YTHDF1: variants seen among roughly 807,000 people sequenced by gnomAD.
YTHDF1 encodes the protein YTH domain-containing family protein 1.
A neutral mutation model predicts 49.1 loss-of-function variants in YTHDF1; 16 were observed. That is an observed-to-expected ratio of 0.33 (90% CI 0.22 to 0.49). YTHDF1 has a LOEUF of 0.49. Among genes scored for constraint, YTHDF1 ranks in the 20% least tolerant of loss-of-function variants. The pLI is 0.99. For synonymous variants in YTHDF1, 313 were observed against 290.1 expected (o/e 1.08, Z -0.80); for missense variants, 621 against 744.3 (o/e 0.83, Z 1.93).
rs79371880 is a variant in YTHDF1 at position 63,203,397 on chromosome 20, G to C, written c.543C>G (p.Asn181Lys). The C allele has an allele frequency of 1.3e-4, 212 of 1,613,148 alleles. No individual in the cohort carries two copies. The highest frequency in any genetic ancestry group is 1.6e-4 in the Non-Finnish European group (193 of 1,179,800). Reference protein sequence around the residue: ...SDTLSKAPGMNSLEQGMVGLK... With the variant: ...SDTLSKAPGMKSLEQGMVGLK... ...GGCCAACCATGCCCTGCTCCAGGCT[G>C]TTCATCCCGGGGGCCTTGCTGAGGG... Residue 181 changes from asparagine (N) to lysine (K), a missense_variant, in exon 4 of 5, where the codon AAC (asparagine) becomes AAG (lysine). By Grantham distance (94) the Asn-to-Lys change is moderately conservative. Around this residue, in one of 2 missense-constraint regions of YTHDF1, gnomAD observed 470 missense variants for 495.8 expected, o/e 0.95. Transcript: ENST00000370339. This position sits in a 1 kb window ranked among gnomAD's most constrained non-coding sequence, Gnocchi z 4.4.
intron 1 of YTHDF1, 103 bp downstream of exon 1, chr20:63,215,763 G>A: frequency 7.2e-7 from 1 of 1,380,092 alleles, no homozygotes; most frequent in Non-Finnish European, 9.4e-7. Context: ...TCCCGCCTGG[G>A]CCCGGCCTCC....
chr20:63,196,868 C>T (rs917837460), intron 4 of YTHDF1, 134 bp from the exon 5 acceptor site: 14 of 948,978 alleles, frequency 1.5e-5, no homozygotes, highest in East Asian at 7.9e-5. Context: ...ACCCAAGCCA[C>T]ACCAGCACAC....
At chr20:63,200,101 C>T (rs2066510994) in intron 4 of YTHDF1, among the ~76,000 whole-genome samples, 1 of 152,010 alleles carries the variant, frequency 6.6e-6, no homozygotes, top group Non-Finnish European at 1.5e-5. Flanking sequence ...TGGCTCACAC[C>T]TGTAATCCCA....
In YTHDF1 at chr20:63,215,848, G is replaced by C; in HGVS notation, c.27+18C>G. 6.9e-7 allele frequency: 1 copy of C among 1,457,942 alleles called. No homozygotes were observed. The highest frequency in any genetic ancestry group is 9.0e-7 in the Non-Finnish European group (1 of 1,106,130). 90.3% of individuals were successfully genotyped at this position (1,457,942 alleles called of 1,614,324 possible). On this transcript the variant is annotated intron_variant, in intron 1 of 4. Coordinates refer to ENST00000370339, the MANE Select transcript of YTHDF1 (RefSeq NM_017798.4). ...CGCCTCGGCCCCGGCCGCGGCCCCTGTAACCCGGCCCCGCTACCTGGGTGT... is the reference window on the plus strand; with the variant it reads ...CGCCTCGGCCCCGGCCGCGGCCCCTCTAACCCGGCCCCGCTACCTGGGTGT...
At chr20:63,201,802 C>T (rs1374635218) in intron 4 of YTHDF1, among the ~76,000 whole-genome samples, 2 of 152,322 alleles carry the variant, frequency 1.3e-5, no homozygotes, top group East Asian at 3.9e-4. Flanking sequence ...TTCCCAACTA[C>T]TGAGGGACAG....
At chr20:63,209,987 G>T (rs1325960059) in intron 3 of YTHDF1, among the ~76,000 whole-genome samples, 2 of 152,180 alleles carry the variant, frequency 1.3e-5, no homozygotes, top group Non-Finnish European at 2.9e-5. Flanking sequence ...ACACAAAGTA[G>T]TAACAGTCGT....
chr20:63,210,108 A>G (rs2066566968), intron 3 of YTHDF1, among the ~76,000 whole-genome samples: 1 of 152,186 alleles, frequency 6.6e-6, no homozygotes, highest in African/African-American at 2.4e-5. Context: ...CACAGACACG[A>G]GTAATACACT....
At chr20:63,215,449 T>G (rs979298292) in intron 2 of YTHDF1, 128 bp downstream of exon 2, 1 of 1,291,342 alleles carries the variant, frequency 7.7e-7, no homozygotes, top group Non-Finnish European at 1.1e-6. Context: ...TCGCACAACC[T>G]CAAGTTTTAT....
At chr20:63,211,964 C>T (rs1353391741) in intron 3 of YTHDF1, among the ~76,000 whole-genome samples, 3 of 1,646 alleles carry the variant, frequency 1.8e-3, no homozygotes, top group Non-Finnish European at 0.01. Flanking sequence ...CCAAAATACA[C>T]ACACACACAC....
rs971764363 is a variant in YTHDF1 at position 63,199,162 on chromosome 20, G to A, written c.1654-2428C>T. On this transcript the variant is annotated intron_variant, in intron 4 of 4. Transcript: ENST00000370339. ...GTCCTGAGAGAACCTTGAGAAAACC[G>A]CCCGGGGGCTCTACCAGCACAGGCG... is the stretch of plus-strand genomic sequence containing the variant. Among the ~76,000 whole-genome samples, 8 of 152,202 alleles carry A rather than the reference G, an allele frequency of 5.3e-5. No homozygotes were observed. The East Asian group carries it at 1.2e-3, about 22-fold the overall frequency.
intron 3 of YTHDF1, among the ~76,000 whole-genome samples, chr20:63,205,653 C>T (rs2066542426): frequency 6.6e-6 from 1 of 152,058 alleles, no homozygotes; most frequent in Non-Finnish European, 1.5e-5. Context: ...GGATTACAGA[C>T]ACCCACCACC....
intron 3 of YTHDF1, among the ~76,000 whole-genome samples, chr20:63,211,413 C>T (rs1055851583): frequency 1.3e-5 from 2 of 151,980 alleles, no homozygotes; most frequent in African/African-American, 4.8e-5. Flanking sequence ...TGCAGTGAGC[C>T]ATGATCACAT....
Position 63,196,584 on chromosome 20 carries a change from CAAGA to C in YTHDF1, c.*120_*123del. The C allele has an allele frequency of 8.6e-7, 1 of 1,162,908 alleles. No individual in the cohort carries two copies. Among genetic ancestry groups the C allele is most frequent in the Admixed American group, 2.3e-5 (1 of 43,058 alleles). The allele number at this position is 1,162,908 out of a possible 1,614,324, so 72.0% of individuals were successfully genotyped here. On this transcript the variant is annotated 3_prime_UTR_variant, in exon 5 of 5. Coordinates refer to ENST00000370339, the MANE Select transcript of YTHDF1 (RefSeq NM_017798.4). ...GATCCATCTGGGCAAAAATCAACGA[CAAGA>C]AAGGCAAAGATGCAACACTCAACCC...
chr20:63,195,677 G>A lies in YTHDF1; in HGVS notation c.*1031C>T, dbSNP rs1238594374. 6.6e-6 allele frequency: 1 copy of A among 152,544 alleles called. No homozygotes were observed. Among genetic ancestry groups the A allele is most frequent in the African/African-American group, 2.4e-5 (1 of 41,446 alleles). The allele number at this position is 152,544 out of a possible 1,614,324, so 9.4% of individuals were successfully genotyped here. A position where few individuals can be genotyped will look rare whatever the true frequency, so the allele number is the denominator to read the frequency against. ...GCAGATCCAGGCGCTGGAGCGTCAG[G>A]CATGGGCACCATTTTCATGCTTCAA... is the stretch of plus-strand genomic sequence containing the variant. On this transcript the variant is annotated 3_prime_UTR_variant, in exon 5 of 5. Transcript: ENST00000370339.
At chr20:63,212,719 A>T (rs2122992547) in intron 3 of YTHDF1, among the ~76,000 whole-genome samples, 1 of 152,332 alleles carries the variant, frequency 6.6e-6, no homozygotes, top group African/African-American at 2.4e-5. Context: ...GAGAGAGAGC[A>T]GCTCCCAGTA....
chr20:63,200,656 A>G (rs2066513160), intron 4 of YTHDF1, among the ~76,000 whole-genome samples: 2 of 152,330 alleles, frequency 1.3e-5, no homozygotes, highest in African/African-American at 4.8e-5. Context: ...CCCGACACAC[A>G]AAAGCAGTTA....
Position 63,216,044 on chromosome 20 carries a change from G to C in YTHDF1, c.-152C>G. On this transcript the variant is annotated 5_prime_UTR_variant, in exon 1 of 5. Coordinates refer to ENST00000370339, the MANE Select transcript of YTHDF1 (RefSeq NM_017798.4). ...CGGCGGCGGCGGCTGCTGGGCGCGC[G>C]GGCCCCTGGCGAGGCGGCAGCGGCG... The C allele has an allele frequency of 1.8e-6, 1 of 564,564 alleles. No homozygotes were observed. The highest frequency in any genetic ancestry group is 2.2e-6 in the Non-Finnish European group (1 of 446,462). The allele number at this position is 564,564 out of a possible 1,614,324, so 35.0% of individuals were successfully genotyped here.
Position 63,203,859 on chromosome 20 carries a change from A to G in YTHDF1, c.133-52T>C. 3 of 1,522,894 alleles carry G rather than the reference A, an allele frequency of 2.0e-6. No homozygotes were observed. Among genetic ancestry groups the G allele is most frequent in the Non-Finnish European group, 2.7e-6 (3 of 1,126,800 alleles). 94.3% of individuals were successfully genotyped at this position (1,522,894 alleles called of 1,614,324 possible). A position where few individuals can be genotyped will look rare whatever the true frequency, so the allele number is the denominator to read the frequency against. On this transcript the variant is annotated intron_variant, in intron 3 of 4. Coordinates refer to ENST00000370339, the MANE Select transcript of YTHDF1 (RefSeq NM_017798.4). This position sits in a 1 kb window ranked among gnomAD's most constrained non-coding sequence, Gnocchi z 4.4. ...ACCACTTCTACAACACGAGATGCTGAGAATGCCAACCGCCTCTTGCTTAAG... is the reference window on the plus strand; with the variant it reads ...ACCACTTCTACAACACGAGATGCTGGGAATGCCAACCGCCTCTTGCTTAAG...
rs764247974 is a variant in YTHDF1, at chr20:63,202,777, C to A, written c.1163G>T (p.Ser388Ile). 6.2e-7 allele frequency: 1 copy of A among 1,614,044 alleles called. No homozygotes were observed. The highest frequency in any genetic ancestry group is 8.5e-7 in the Non-Finnish European group (1 of 1,180,058). Residue 388 changes from serine (S) to isoleucine (I), a missense_variant, in exon 4 of 5, where the codon AGC becomes ATC. Ser to Ile is a moderately radical substitution (Grantham distance 142, BLOSUM62 -2). Transcript: ENST00000370339. ...GCTCTTGATGATGAACACACGCCCGCTTTTCAGATTCCACTCAAACTCTTT... is the reference window on the plus strand; with the variant it reads ...GCTCTTGATGATGAACACACGCCCGATTTTCAGATTCCACTCAAACTCTTT... ...NPKEFEWNLK[S>I]GRVFIIKSYS...
Sources: gnomAD v4.1 joint callset for allele counts (sites outside exome capture counted in the v4.1 genomes callset) on GRCh38, gnomAD v4.1.1 for gene constraint, gnomAD v4.1.1 regional missense constraint, Gnocchi (gnomAD v3.1) non-coding constraint, MANE v1.5 for transcripts, NCBI Gene and HGNC (gene_info 2026-07-23, HGNC 2026-07-21) for gene names.